LFNG: variants seen among roughly 807,000 people sequenced by gnomAD.
LFNG encodes beta-1,3-N-acetylglucosaminyltransferase lunatic fringe.
Under a neutral mutation model 32.7 loss-of-function variants are expected in LFNG, and 15 were observed. The ratio of observed to expected loss-of-function variants is 0.46; its 90% CI spans 0.31 to 0.71. The LOEUF is 0.71. Ranked by LOEUF, LFNG falls within the 30% of genes least tolerant of loss-of-function variation. The pLI, the probability that LFNG is intolerant of heterozygous loss-of-function variation, is 0.06. For synonymous variants in LFNG, 274 were observed against 246.8 expected, an observed-to-expected ratio of 1.11 and a Z score of -1.03; for missense variants, 520 against 545.7, an observed-to-expected ratio of 0.95 and a Z score of 0.47.
At chr7:2,515,275 C>T (rs2128373520), upstream of LFNG, among the ~76,000 whole-genome samples, 1 of 152,350 alleles carries the variant, frequency 6.6e-6, no homozygotes, top group African/African-American at 2.4e-5. Flanking sequence ...TCTGTCCATC[C>T]ATCTGTATGT....
chr7:2,526,392 T>G lies in LFNG; in HGVS notation c.970T>G (p.Ser324Ala). Residue 324 changes from serine (S) to alanine (A), a missense_variant, in exon 6 of 8, where the codon TCG becomes GCG. Physicochemically the swap from Ser to Ala is moderately conservative, Grantham distance 99 (BLOSUM62 1). Around this residue, in one of 3 missense-constraint regions of LFNG, gnomAD observed 150 missense variants for 159.9 expected, o/e 0.94. Coordinates refer to ENST00000222725, the MANE Select transcript of LFNG (RefSeq NM_001040167.2). The surrounding 1 kb of genome is among the most constrained non-coding windows in gnomAD (Gnocchi z 6.9). ...GGAGAACCTGCAGCAGGTGCCCACC[T>G]CGGAGCTCCACGAGCAGGTGCACCA... Reference protein sequence around the residue: ...HLENLQQVPTSELHEQVTLSY... With the variant: ...HLENLQQVPTAELHEQVTLSY... 2 of 1,608,976 alleles carry G rather than the reference T, an allele frequency of 1.2e-6. No individual in the cohort carries two copies. Among genetic ancestry groups the G allele is most frequent in the Non-Finnish European group, 1.7e-6 (2 of 1,179,870 alleles).
chr7:2,512,709 T>A, intron 1 of LFNG: 1 of 1,613,556 alleles, frequency 6.2e-7, no homozygotes, highest in Non-Finnish European at 8.5e-7. Flanking sequence ...GAGGTGGGCC[T>A]CAGGGTTGCT....
chr7:2,519,762 T>C (rs1003025472), upstream of LFNG: 14 of 663,232 alleles, frequency 2.1e-5, no homozygotes, highest in African/African-American at 2.6e-4. Flanking sequence ...CGCGGGACAC[T>C]GGTGCTGCGC....
rs1003263822 is a variant in LFNG, at chr7:2,527,883, A to G, written c.*671A>G. 3 of 991,520 alleles carry G rather than the reference A, an allele frequency of 3.0e-6. No individual in the cohort carries two copies. The highest frequency in any genetic ancestry group is 2.4e-6 in the Non-Finnish European group (2 of 833,164). The allele number at this position is 991,520 out of a possible 1,614,324, so 61.4% of individuals were successfully genotyped here. The stretch of plus-strand genomic sequence containing the variant: ...AGTGGGGAGTCTTCCAGGCCTCCTC[A>G]GAGGTCTTCCCTTTGCCTCCCCAGG... On this transcript the variant is annotated 3_prime_UTR_variant, in exon 8 of 8. Coordinates refer to ENST00000222725, the MANE Select transcript of LFNG (RefSeq NM_001040167.2). This position sits in a 1 kb window ranked among gnomAD's most constrained non-coding sequence, Gnocchi z 4.4.
chr7:2,520,162 G>C lies in LFNG; in HGVS notation c.301G>C (p.Gly101Arg), dbSNP rs1337743302. 2.0e-6 allele frequency: 3 copies of C among 1,484,558 alleles called. No individual in the cohort carries two copies. The highest frequency in any genetic ancestry group is 2.7e-6 in the Non-Finnish European group (3 of 1,116,118). The allele number at this position is 1,484,558 out of a possible 1,614,324, so 92.0% of individuals were successfully genotyped here. Residue 101 changes from glycine to arginine, a missense_variant, in exon 1 of 8, where the codon GGC (glycine) becomes CGC (arginine). Gly to Arg is a moderately radical substitution (Grantham distance 125, BLOSUM62 -2). Around this residue, in one of 3 missense-constraint regions of LFNG, gnomAD observed 360 missense variants for 354.7 expected, o/e 1.01. Coordinates refer to ENST00000222725, the MANE Select transcript of LFNG (RefSeq NM_001040167.2). This position sits in a 1 kb window ranked among gnomAD's most constrained non-coding sequence, Gnocchi z 5.0. ...CGGGGCTGCCCCCCGCCCCGCCGACGGCCACCCGCGCCCCCTGGCCGAGCC... is the reference window on the plus strand; with the variant it reads ...CGGGGCTGCCCCCCGCCCCGCCGACCGCCACCCGCGCCCCCTGGCCGAGCC... ...PPGAAPRPAD[G>R]HPRPLAEPLA... is the part of the protein sequence containing the mutation.
rs1243038771 is a variant in LFNG at position 2,520,044 on chromosome 7, G to A, written c.183G>A (p.Ala61=). 1 of 1,087,750 alleles carries A rather than the reference G, an allele frequency of 9.2e-7. No homozygotes were observed. The allele number at this position is 1,087,750 out of a possible 1,614,324, so 67.4% of individuals were successfully genotyped here. A position where few individuals can be genotyped will look rare whatever the true frequency, so the allele number is the denominator to read the frequency against. Residue 61 remains alanine, a synonymous_variant, in exon 1 of 8, where the codon GCG becomes GCA. Transcript: ENST00000222725. The surrounding 1 kb of genome is among the most constrained non-coding windows in gnomAD (Gnocchi z 5.0). ...CGGCGCCCGGGCTGGGGGCGGCGGC[G>A]GCGGCGCCCGGGGCGCTGGTCCGCG... The part of the protein sequence containing the change: ...AAPAPGLGAA[A]AAPGALVRDV...
At chr7:2,515,653 C>A (rs1779611420), upstream of LFNG, among the ~76,000 whole-genome samples, 2 of 152,272 alleles carry the variant, frequency 1.3e-5, no homozygotes, top group South Asian at 4.1e-4. Context: ...GGCTGCAGAG[C>A]ACCAACCCCA....
Position 2,525,547 on chromosome 7 carries a change from C to A in LFNG, c.715C>A (p.Arg239=). ...SLDRPIQAME[R]VSENKVRPVH... ...GGACAGGCCCATCCAGGCCATGGAG[C>A]GGGTCAGCGAGAACAAGGTGGTGAG... Residue 239 remains arginine, a synonymous_variant, in exon 4 of 8, where the codon CGG becomes AGG. Coordinates refer to ENST00000222725, the MANE Select transcript of LFNG (RefSeq NM_001040167.2). 4 of 1,612,350 alleles carry A rather than the reference C, an allele frequency of 2.5e-6. No homozygotes were observed. The highest frequency in any genetic ancestry group is 3.4e-6 in the Non-Finnish European group (4 of 1,179,764).
upstream of LFNG, among the ~76,000 whole-genome samples, chr7:2,515,547 C>T (rs879787): frequency 8.9e-3 from 1,360 of 152,346 alleles, 8 homozygotes; most frequent in Non-Finnish European, 0.014. Context: ...GAGGCCAAGT[C>T]GGCTGAACTC....
At position 2,526,425 on chromosome 7, in the gene LFNG, G is replaced by A; in HGVS notation, c.987+16G>A. 1 of 1,603,928 alleles carries A rather than the reference G, an allele frequency of 6.2e-7. No individual in the cohort carries two copies. Among genetic ancestry groups the A allele is most frequent in the Non-Finnish European group, 8.5e-7 (1 of 1,179,808 alleles). On this transcript the variant is annotated intron_variant, in intron 6 of 7. Coordinates refer to ENST00000222725, the MANE Select transcript of LFNG (RefSeq NM_001040167.2). The surrounding 1 kb of genome is among the most constrained non-coding windows in gnomAD (Gnocchi z 6.9). Reference sequence around the variant, plus strand: ...CCACGAGCAGGTGCACCATCCTCCGGGCCCCGCCAGGACTCCGAGAGCACA... The same window carrying A: ...CCACGAGCAGGTGCACCATCCTCCGAGCCCCGCCAGGACTCCGAGAGCACA...
downstream of LFNG, among the ~76,000 whole-genome samples, chr7:2,528,704 C>G (rs976060837): frequency 2.0e-5 from 3 of 152,154 alleles, no homozygotes; most frequent in African/African-American, 4.8e-5. Flanking sequence ...GCTGGGGGCT[C>G]TAGGTCCCAG....
At chr7:2,514,711 C>A (rs1779570782), upstream of LFNG, among the ~76,000 whole-genome samples, 1 of 151,792 alleles carries the variant, frequency 6.6e-6, no homozygotes, top group Non-Finnish European at 1.5e-5. Context: ...TCCATCTATC[C>A]ATCTGTCCAT....
chr7:2,526,343 C>T lies in LFNG; in HGVS notation c.921C>T (p.Arg307=), dbSNP rs200588360. 2.6e-5 allele frequency: 42 copies of T among 1,612,344 alleles called. No individual in the cohort carries two copies. The highest frequency in any genetic ancestry group is 3.3e-5 in the Non-Finnish European group (39 of 1,179,970). Residue 307 remains arginine, a synonymous_variant, in exon 6 of 8, where the codon CGC becomes CGT. Transcript: ENST00000222725. The surrounding 1 kb of genome is among the most constrained non-coding windows in gnomAD (Gnocchi z 6.9). The part of the protein sequence containing the change: ...VEALLGVPLI[R]SGLFHSHLEN... ...CCCTGCTGGGTGTGCCCCTCATCCG[C>T]AGCGGCCTCTTCCACTCCCACCTGG...
Position 2,528,387 on chromosome 7 carries a change from G to A in LFNG, c.*1175G>A. 1.0e-6 allele frequency: 1 copy of A among 986,860 alleles called. No individual in the cohort carries two copies. Among genetic ancestry groups the A allele is most frequent in the Non-Finnish European group, 1.2e-6 (1 of 830,408 alleles). The allele number at this position is 986,860 out of a possible 1,614,324, so 61.1% of individuals were successfully genotyped here. On this transcript the variant is annotated 3_prime_UTR_variant, in exon 8 of 8. Transcript: ENST00000222725. ...CAGGGAATTGAAGTGTTGTTGCTAT[G>A]GTGACGTCCTTTTGCTGTGAATAAA...
chr7:2,513,055 C>A, upstream of LFNG: 1 of 1,144,916 alleles, frequency 8.7e-7, no homozygotes, highest in Non-Finnish European at 1.3e-6. Context: ...GCCTCCCAGC[C>A]CCAGCCCACA....
intron 2 of LFNG, among the ~76,000 whole-genome samples, 173 bp from the exon 3 acceptor site, chr7:2,525,046 C>A (rs538238283): frequency 5.3e-5 from 8 of 152,208 alleles, no homozygotes; most frequent in African/African-American, 2.4e-5. Flanking sequence ...GGCTGGGCTG[C>A]GGGAGGGTCC....
intron 1 of LFNG, 28 bp from the exon 2 acceptor site, chr7:2,524,667 C>T: frequency 6.4e-7 from 1 of 1,568,372 alleles, no homozygotes; most frequent in Non-Finnish European, 8.6e-7. Flanking sequence ...GAAGGGCTGC[C>T]TGCTGAAGGC....
At chr7:2,525,828 C>A in intron 5 of LFNG, 58 bp downstream of exon 5, 3 of 1,473,486 alleles carry the variant, frequency 2.0e-6, no homozygotes, top group Non-Finnish European at 2.8e-6. Context: ...CACTGTGGGG[C>A]CTGGCTTAGT....
Position 2,527,175 on chromosome 7 carries a change from C to G in LFNG, c.1103C>G (p.Pro368Arg). The G allele has an allele frequency of 6.2e-7, 1 of 1,613,004 alleles. No homozygotes were observed. Among genetic ancestry groups the G allele is most frequent in the Non-Finnish European group, 8.5e-7 (1 of 1,179,968 alleles). Residue 368 changes from proline to arginine, a missense_variant, in exon 8 of 8, where the codon CCG (proline) becomes CGG (arginine). Coordinates refer to ENST00000222725, the MANE Select transcript of LFNG (RefSeq NM_001040167.2). This position sits in a 1 kb window ranked among gnomAD's most constrained non-coding sequence, Gnocchi z 4.4. ...RFRSIHCHLY[P>R]DTPWCPRTAI... The stretch of plus-strand genomic sequence containing the variant: ...CGCTCCATCCACTGCCACCTGTACC[C>G]GGACACACCCTGGTGTCCCCGCACT...
Sources: allele counts gnomAD v4.1 joint callset (sites outside exome capture counted in the v4.1 genomes callset), GRCh38; gene constraint gnomAD v4.1.1; regional missense constraint gnomAD v4.1.1; non-coding constraint Gnocchi (gnomAD v3.1); transcripts MANE v1.5; gene names NCBI Gene and HGNC (gene_info 2026-07-23, HGNC 2026-07-21).